The following YY1AP1 variants were observed in gnomAD, a reference collection of about 807,000 sequenced individuals.
YY1AP1 encodes YY1 associated protein 1.
A neutral mutation model predicts 39.9 loss-of-function variants in YY1AP1; 43 were observed. The observed-to-expected ratio is 1.08, with a 90% CI of 0.84 to 1.39. The LOEUF (loss-of-function observed/expected upper bound fraction) is 1.39, where lower values mean the gene tolerates loss of function less well. Ranked by LOEUF, YY1AP1 falls within the 40% of genes most tolerant of loss-of-function variation. YY1AP1 has a pLI of 0.00. For synonymous variants in YY1AP1, 292 were observed against 331.3 expected, an observed-to-expected ratio of 0.88 and a Z score of 1.29; for missense variants, 813 against 900.7, an observed-to-expected ratio of 0.90 and a Z score of 1.25.
chr1:155,678,191 C>T (rs1371639832), intron 4 of YY1AP1, among the ~76,000 whole-genome samples: 6 of 152,198 alleles, frequency 3.9e-5, no homozygotes, highest in African/African-American at 1.4e-4. Flanking sequence ...CAGTAACACA[C>T]TGTACAGGTT....
chr1:155,674,523 C>A (rs1650346645), intron 6 of YY1AP1, among the ~76,000 whole-genome samples: 2 of 151,896 alleles, frequency 1.3e-5, no homozygotes, highest in Non-Finnish European at 2.9e-5. Flanking sequence ...GAGGAGGACC[C>A]AATAAAAATA....
rs754599043 is a variant in YY1AP1 at position 155,670,916 on chromosome 1, C to T, written c.584-452G>A. On this transcript the variant is annotated intron_variant, in intron 7 of 10. Coordinates refer to ENST00000355499, the MANE Select transcript of YY1AP1 (RefSeq NM_139119.3). Reference sequence around the variant, plus strand: ...TTGATCTCCTGACCTTGTCATCCGACAGCCTCGGCCTCCTAAAGTGTTGGA... The same window carrying T: ...TTGATCTCCTGACCTTGTCATCCGATAGCCTCGGCCTCCTAAAGTGTTGGA... The T allele has an allele frequency of 1.7e-4, 29 of 172,914 alleles. 1 individual carries two copies. The highest frequency in any genetic ancestry group is 1.0e-3 in the South Asian group (8 of 7,940). 10.7% of individuals were successfully genotyped at this position (172,914 alleles called of 1,614,324 possible). A position where few individuals can be genotyped will look rare whatever the true frequency, so the allele number is the denominator to read the frequency against.
chr1:155,661,481 C>T, intron 9 of YY1AP1, 58 bp from the exon 10 acceptor site: 1 of 1,609,010 alleles, frequency 6.2e-7, no homozygotes, highest in South Asian at 1.1e-5. Context: ...TGTCTTCTGT[C>T]AGGCTGGTGA....
In YY1AP1 at chr1:155,659,496, CCA is replaced by C. The variant is rs1571303362; in HGVS notation, c.*159_*160del. ...AGATTTATTGAAGCAAAAGTATATT[CCA>C]CAGAGTGGGAGCAGGCTAAAGCAAG... On this transcript the variant is annotated 3_prime_UTR_variant, in exon 11 of 11. Transcript: ENST00000355499. 4.3e-6 allele frequency: 3 copies of C among 695,588 alleles called. No individual in the cohort carries two copies. The highest frequency in any genetic ancestry group is 2.4e-5 in the Admixed American group (1 of 41,840). The allele number at this position is 695,588 out of a possible 1,614,324, so 43.1% of individuals were successfully genotyped here.
In YY1AP1 at chr1:155,688,193, G is replaced by A. The variant is rs1301108452; in HGVS notation, c.-143C>T. ...CCGCTTGTCAGGAGGCGGCCAGCGG[G>A]TAAGCCGACTGGCGGAAATGCGAGA... On this transcript the variant is annotated 5_prime_UTR_variant, in exon 2 of 11. Transcript: ENST00000355499. The A allele has an allele frequency of 6.2e-7, 1 of 1,614,028 alleles. No individual in the cohort carries two copies. The highest frequency in any genetic ancestry group is 8.5e-7 in the Non-Finnish European group (1 of 1,179,976).
chr1:155,666,700 TA>T (rs545069816), intron 9 of YY1AP1, among the ~76,000 whole-genome samples: 58 of 144,470 alleles, frequency 4.0e-4, no homozygotes, highest in Admixed American at 8.3e-4. Flanking sequence ...ACCCCATCCC[TA>T]AAAAAAAAAA....
intron 1 of YY1AP1, 39 bp downstream of exon 1, chr1:155,688,619 AC>A (rs1258015686): frequency 2.0e-6 from 3 of 1,533,598 alleles, no homozygotes; most frequent in Non-Finnish European, 2.6e-6. Flanking sequence ...TCCCCCTCAG[AC>A]CCTGTCAAGC....
intron 2 of YY1AP1, among the ~76,000 whole-genome samples, chr1:155,685,535 T>C (rs1652090441): frequency 6.6e-6 from 1 of 152,204 alleles, no homozygotes; most frequent in South Asian, 2.1e-4. Context: ...AACAAAGCCA[T>C]AGATACTTGT....
At chr1:155,671,267 C>A (rs1649821959) in intron 7 of YY1AP1, among the ~76,000 whole-genome samples, 1 of 151,780 alleles carries the variant, frequency 6.6e-6, no homozygotes, top group Admixed American at 6.6e-5. Flanking sequence ...CCCATCTCTA[C>A]CAAAAATGTA....
At chr1:155,688,925 C>T (rs745553832), upstream of YY1AP1, 1 of 1,613,172 alleles carries the variant, frequency 6.2e-7, no homozygotes, top group South Asian at 1.1e-5. Flanking sequence ...CCCATGACAA[C>T]CTACCTCCCT....
chr1:155,680,307 G>A, intron 3 of YY1AP1, 109 bp downstream of exon 3: 1 of 1,261,354 alleles, frequency 7.9e-7, no homozygotes, highest in South Asian at 1.3e-5. Flanking sequence ...ACTAAAAGGA[G>A]AATTGGTTCA....
In YY1AP1 at chr1:155,659,892, G is replaced by A; in HGVS notation, c.2018C>T (p.Pro673Leu). Residue 673 changes from proline to leucine, a missense_variant, in exon 11 of 11, where the codon CCC becomes CTC. Around this residue, in one of 3 missense-constraint regions of YY1AP1, gnomAD observed 586 missense variants for 647.4 expected, o/e 0.91. Transcript: ENST00000355499. ...AGGCCCTGGGCTATGTTCCACTTTG[G>A]GGAAAACAGTAGCAGAGAGAGGAGA... ...ELSPLSATVF[P>L]KVEHSPGPPP... is the part of the protein sequence containing the mutation. 1 of 1,614,194 alleles carries A rather than the reference G, an allele frequency of 6.2e-7. No individual in the cohort carries two copies. The highest frequency in any genetic ancestry group is 8.5e-7 in the Non-Finnish European group (1 of 1,180,032).
intron 4 of YY1AP1, 77 bp from the exon 5 acceptor site, chr1:155,676,823 A>G: frequency 7.0e-7 from 1 of 1,431,022 alleles, no homozygotes. Flanking sequence ...AATGATGAGC[A>G]AAGAGCCTGA....
At chr1:155,679,588 T>C in intron 3 of YY1AP1, 76 bp from the exon 4 acceptor site, 1 of 1,610,402 alleles carries the variant, frequency 6.2e-7, no homozygotes, top group Non-Finnish European at 8.5e-7. Context: ...GAAGGAAAAG[T>C]GAAAACTATA....
intron 9 of YY1AP1, among the ~76,000 whole-genome samples, chr1:155,668,413 T>A (rs1396950094): frequency 1.3e-5 from 2 of 152,140 alleles, no homozygotes; most frequent in Non-Finnish European, 2.9e-5. Context: ...AAACATGGAT[T>A]TGTGGAATCT....
chr1:155,687,252 GCACAAA>G (rs1652580613), intron 2 of YY1AP1, among the ~76,000 whole-genome samples: 1 of 150,982 alleles, frequency 6.6e-6, no homozygotes, highest in South Asian at 2.1e-4. Context: ...CTAACCAAAG[GCACAAA>G]CTATTCTTAA....
At chr1:155,670,524 C>G in intron 7 of YY1AP1, 60 bp from the exon 8 acceptor site, 1 of 1,593,592 alleles carries the variant, frequency 6.3e-7, no homozygotes, top group Non-Finnish European at 8.6e-7. Context: ...CTTCAAAAAG[C>G]CTGTGAATGC....
intron 9 of YY1AP1, among the ~76,000 whole-genome samples, chr1:155,663,388 T>A (rs1178306542): frequency 7.8e-6 from 1 of 128,842 alleles, no homozygotes; most frequent in Non-Finnish European, 1.6e-5. Context: ...AAAAAAAAAT[T>A]ATTTCTGCAG....
intron 10 of YY1AP1, 130 bp from the exon 11 acceptor site, chr1:155,661,043 A>G (rs1438334815): frequency 1.4e-5 from 21 of 1,515,566 alleles, no homozygotes; most frequent in Non-Finnish European, 1.7e-5. Context: ...TGAAATTTCT[A>G]CAAAGACCAC....
Sources: gnomAD v4.1 joint callset for allele counts (sites outside exome capture counted in the v4.1 genomes callset) on GRCh38, gnomAD v4.1.1 for gene constraint, gnomAD v4.1.1 regional missense constraint, MANE v1.5 for transcripts, NCBI Gene and HGNC (gene_info 2026-07-23, HGNC 2026-07-21) for gene names.